CPQ: variants seen among roughly 807,000 people sequenced by gnomAD.
CPQ encodes carboxypeptidase Q, also known as Ser-Met dipeptidase.
A neutral mutation model predicts 45.7 loss-of-function variants in CPQ; 37 were observed. That is an observed-to-expected ratio of 0.81 (90% CI 0.62 to 1.07). CPQ has a LOEUF of 1.07. Ranked by LOEUF, CPQ falls within the 50% of genes least tolerant of loss-of-function variation. The pLI is 0.00. For missense variants in CPQ, 537 were observed against 572.9 expected, an observed-to-expected ratio of 0.94 and a Z score of 0.64; for synonymous variants, 186 against 205.8, an observed-to-expected ratio of 0.90 and a Z score of 0.82.
At position 96,966,005 on chromosome 8, in the gene CPQ, C is replaced by A. The variant is rs779425986; in HGVS notation, c.920C>A (p.Ala307Asp). ...GQGAMDDGGG[A>D]FISWEALSLI... ...GGTGCCATGGATGATGGCGGTGGAG[C>A]CTTTATATCATGGGAAGCACTCTCA... Residue 307 changes from alanine to aspartate, a missense_variant, in exon 5 of 8, where the codon GCC becomes GAC. Physicochemically the swap from Ala to Asp is moderately radical, Grantham distance 126. Coordinates refer to ENST00000220763, the MANE Select transcript of CPQ (RefSeq NM_016134.4). 21 of 1,613,616 alleles carry A rather than the reference C, an allele frequency of 1.3e-5. No individual in the cohort carries two copies. The highest frequency in any genetic ancestry group is 9.9e-5 in the South Asian group (9 of 91,052).
At chr8:96,682,042 T>A (rs989484362) in intron 1 of CPQ, among the ~76,000 whole-genome samples, 1 of 152,206 alleles carries the variant, frequency 6.6e-6, no homozygotes, top group Non-Finnish European at 1.5e-5. Flanking sequence ...GGACTTGCCT[T>A]CACTAAGATG....
Position 97,050,262 on chromosome 8 carries a change from T to C in CPQ, c.1054-15747T>C, listed in dbSNP as rs555827120. 3.3e-5 allele frequency among the ~76,000 whole-genome samples: 5 copies of C among 152,318 alleles called. No individual in the cohort carries two copies. The East Asian group carries it at 9.7e-4, about 29-fold the overall frequency. ...TAATCAATAATTATGGACTGTAATTTAAAATTTAATGATCTGTGTTGATAC... is the reference window on the plus strand; with the variant it reads ...TAATCAATAATTATGGACTGTAATTCAAAATTTAATGATCTGTGTTGATAC... On this transcript the variant is annotated intron_variant, in intron 6 of 7. Coordinates refer to ENST00000220763, the MANE Select transcript of CPQ (RefSeq NM_016134.4).
intron 1 of CPQ, among the ~76,000 whole-genome samples, chr8:96,654,090 GT>G (rs1815610444): frequency 6.6e-6 from 1 of 152,184 alleles, no homozygotes; most frequent in South Asian, 2.1e-4. Flanking sequence ...CTGCCAGATT[GT>G]CTGATGTTAA....
chr8:97,033,842 T>G (rs1253595012), intron 6 of CPQ, among the ~76,000 whole-genome samples: 1 of 152,172 alleles, frequency 6.6e-6, no homozygotes, highest in Non-Finnish European at 1.5e-5. Flanking sequence ...GAATAATGAA[T>G]TATTAATATT....
At chr8:96,922,651 T>A (rs1324843760) in intron 4 of CPQ, among the ~76,000 whole-genome samples, 1 of 152,214 alleles carries the variant, frequency 6.6e-6, no homozygotes. Context: ...AAATGTATGT[T>A]ACAGTTTTCA....
intron 4 of CPQ, among the ~76,000 whole-genome samples, chr8:96,886,085 G>A (rs1185248481): frequency 4.6e-5 from 7 of 152,192 alleles, no homozygotes; most frequent in Non-Finnish European, 7.4e-5. Context: ...CCAAAAAACC[G>A]ATGGTGGCAC....
intron 7 of CPQ, among the ~76,000 whole-genome samples, chr8:97,099,182 G>A (rs1466643208): frequency 7.4e-6 from 1 of 135,434 alleles, no homozygotes; most frequent in Non-Finnish European, 1.5e-5. Flanking sequence ...CCAGGCTGGA[G>A]TGCAGTGGCA....
intron 5 of CPQ, among the ~76,000 whole-genome samples, chr8:96,973,139 G>T (rs954172340): frequency 1.3e-5 from 2 of 151,910 alleles, no homozygotes; most frequent in African/African-American, 4.8e-5. Flanking sequence ...AAAATTATGG[G>T]ATATGAAACA....
At chr8:96,682,944 G>A (rs536786914) in intron 1 of CPQ, among the ~76,000 whole-genome samples, 3 of 152,050 alleles carry the variant, frequency 2.0e-5, no homozygotes, top group Admixed American at 2.0e-4. Context: ...TACATTCAAG[G>A]TTATTATTGA....
chr8:96,735,314 T>A (rs1809968142), intron 1 of CPQ, among the ~76,000 whole-genome samples: 1 of 152,238 alleles, frequency 6.6e-6, no homozygotes, highest in South Asian at 2.1e-4. Context: ...AATCTGCGAA[T>A]GCATGTGCTC....
At chr8:96,951,864 G>T (rs368792900) in intron 4 of CPQ, among the ~76,000 whole-genome samples, 49 of 139,814 alleles carry the variant, frequency 3.5e-4, no homozygotes, top group African/African-American at 8.1e-4. Context: ...TTTTTTTTTT[G>T]AATGTTTGAG....
chr8:96,876,300 A>G (rs548132591), intron 3 of CPQ, among the ~76,000 whole-genome samples: 28 of 152,080 alleles, frequency 1.8e-4, no homozygotes, highest in Non-Finnish European at 2.9e-4. Context: ...CATTAATATA[A>G]AACTAAAGAA....
intron 1 of CPQ, among the ~76,000 whole-genome samples, chr8:96,700,878 C>A (rs1809449707): frequency 6.6e-6 from 1 of 152,076 alleles, no homozygotes; most frequent in South Asian, 2.1e-4. Flanking sequence ...CCAGGGAGAG[C>A]AAAGAAGAGC....
At chr8:96,794,278 C>G (rs1028234575) in intron 2 of CPQ, among the ~76,000 whole-genome samples, 1 of 152,220 alleles carries the variant, frequency 6.6e-6, no homozygotes, top group Non-Finnish European at 1.5e-5. Flanking sequence ...ATTCTTGACT[C>G]CTGTGCACTG....
intron 2 of CPQ, among the ~76,000 whole-genome samples, chr8:96,810,527 T>C (rs1811149165): frequency 6.6e-6 from 1 of 152,114 alleles, no homozygotes; most frequent in African/African-American, 2.4e-5. Flanking sequence ...AGGATTACCA[T>C]AAGATCTACA....
chr8:97,111,393 C>T (rs958211380), intron 7 of CPQ, among the ~76,000 whole-genome samples: 10 of 152,188 alleles, frequency 6.6e-5, no homozygotes, highest in Admixed American at 5.2e-4. Context: ...CGGCCTCCCT[C>T]ATAGCTTCCT....
intron 2 of CPQ, among the ~76,000 whole-genome samples, chr8:96,801,665 GT>G (rs1260232344): frequency 6.6e-6 from 1 of 152,070 alleles, no homozygotes; most frequent in African/African-American, 2.4e-5. Flanking sequence ...CTAGGAGGAG[GT>G]TTTCCTTTTT....
intron 6 of CPQ, among the ~76,000 whole-genome samples, chr8:97,044,757 C>T (rs2130496298): frequency 6.6e-6 from 1 of 152,298 alleles, no homozygotes; most frequent in East Asian, 1.9e-4. Context: ...CACTCCCGAC[C>T]CTGTTTGCCT....
intron 1 of CPQ, among the ~76,000 whole-genome samples, chr8:96,768,583 T>G (rs1810498397): frequency 6.6e-6 from 1 of 152,194 alleles, no homozygotes; most frequent in Non-Finnish European, 1.5e-5. Context: ...TAAAACGGAA[T>G]GGTGAATTTT....
Sources: allele counts gnomAD v4.1 joint callset (sites outside exome capture counted in the v4.1 genomes callset), GRCh38; gene constraint gnomAD v4.1.1; transcripts MANE v1.5; gene names NCBI Gene and HGNC (gene_info 2026-07-23, HGNC 2026-07-21).